ZNF322: variants seen among roughly 807,000 people sequenced by gnomAD.
ZNF322 encodes zinc finger protein 322, also known as HLA complex group 12.
In ZNF322, 1 loss-of-function variant was observed where a neutral mutation model predicts 18.3. That is an observed-to-expected ratio of 0.05 (90% confidence interval 0.02 to 0.26). The LOEUF (loss-of-function observed/expected upper bound fraction) is 0.26. Among genes scored for constraint, ZNF322 ranks in the 10% least tolerant of loss-of-function variants. ZNF322 has a pLI of 1.00. For missense variants in ZNF322, 36 were observed against 403.6 expected, an observed-to-expected ratio of 0.09 and a Z score of 7.80; for synonymous variants, 17 against 130.7, an observed-to-expected ratio of 0.13 and a Z score of 5.93.
chr6:26,641,172 T>C (rs781978341), intron 3 of ZNF322, among the ~76,000 whole-genome samples: 4 of 152,240 alleles, frequency 2.6e-5, no homozygotes. Context: ...GCTGCTACTT[T>C]TACTCAATTT....
intron 2 of ZNF322, among the ~76,000 whole-genome samples, chr6:26,649,392 G>C (rs1403370433): frequency 3.3e-5 from 5 of 151,924 alleles, no homozygotes; most frequent in African/African-American, 9.7e-5. Context: ...ATAAATGATG[G>C]TAAAACATCA....
intron 2 of ZNF322, among the ~76,000 whole-genome samples, chr6:26,652,295 G>A (rs1261823870): frequency 6.6e-6 from 1 of 152,136 alleles, no homozygotes; most frequent in Non-Finnish European, 1.5e-5. Flanking sequence ...AGACACATCT[G>A]ATTAAAGACT....
intron 2 of ZNF322, among the ~76,000 whole-genome samples, chr6:26,649,694 TATATATA>T (rs373692476): frequency 0.013 from 935 of 72,334 alleles, 42 homozygotes; most frequent in Middle Eastern, 0.025. Context: ...TATATATATA[TATATATA>T]TTTTTTTTTT....
In ZNF322 at chr6:26,638,275, G is replaced by A. The variant is rs9368444; in HGVS notation, c.279C>T (p.His93=). The A allele has an allele frequency of 0.19, 310,942 of 1,609,306 alleles. 24,875 individuals carry two copies. The highest frequency in any genetic ancestry group is 0.22 in the South Asian group (19,816 of 90,822). ...TACATTTATAAGGTTTCTCGTAATTGTGGATCCTCTGGTGTGAAGTAAGAT... is the reference window on the plus strand; with the variant it reads ...TACATTTATAAGGTTTCTCGTAATTATGGATCCTCTGGTGTGAAGTAAGAT... ...SSDLTSHQRI[H]NYEKPYKCSK... is the part of the protein sequence containing the mutation. The change falls in exon 4 of 4, where the codon CAC becomes CAT. Residue 93 remains histidine, a synonymous_variant. Coordinates refer to ENST00000415922, the MANE Select transcript of ZNF322 (RefSeq NM_024639.5).
intron 2 of ZNF322, among the ~76,000 whole-genome samples, chr6:26,646,935 A>G (rs1765569194): frequency 6.6e-6 from 1 of 152,220 alleles, no homozygotes. Context: ...AAAATTTTTA[A>G]GTATTCATAA....
intron 3 of ZNF322, among the ~76,000 whole-genome samples, chr6:26,641,494 T>A (rs1765465455): frequency 6.6e-6 from 1 of 152,114 alleles, no homozygotes; most frequent in African/African-American, 2.4e-5. Context: ...TTCAAATATG[T>A]GGGGGAAAGA....
At chr6:26,650,180 A>C (rs1159225080) in intron 2 of ZNF322, among the ~76,000 whole-genome samples, 2 of 152,264 alleles carry the variant, frequency 1.3e-5, no homozygotes, top group Non-Finnish European at 2.9e-5. Flanking sequence ...GACAATTCTC[A>C]CACACACAAA....
At chr6:26,641,518 T>TA (rs1330719251) in intron 3 of ZNF322, among the ~76,000 whole-genome samples, 2 of 152,198 alleles carry the variant, frequency 1.3e-5, no homozygotes, top group Non-Finnish European at 2.9e-5. Context: ...ATCAGACTGT[T>TA]ACTGTGTCTA....
intron 3 of ZNF322, among the ~76,000 whole-genome samples, chr6:26,639,998 A>G (rs1412071068): frequency 1.3e-5 from 2 of 152,084 alleles, no homozygotes; most frequent in African/African-American, 4.8e-5. Flanking sequence ...TTTGTTCACA[A>G]GGACATCACT....
rs1765411549 is a variant in ZNF322 at position 26,638,696 on chromosome 6, T to G, written c.-143A>C. 2.2e-6 allele frequency: 2 copies of G among 920,344 alleles called. No homozygotes were observed. The highest frequency in any genetic ancestry group is 3.3e-6 in the Non-Finnish European group (2 of 602,244). The allele number at this position is 920,344 out of a possible 1,614,324, so 57.0% of individuals were successfully genotyped here. ...GAGCCTCTACAAGTTTCCAGCATCATATATGTTAATTCCTTACTTGGTATT... is the reference window on the plus strand; with the variant it reads ...GAGCCTCTACAAGTTTCCAGCATCAGATATGTTAATTCCTTACTTGGTATT... On this transcript the variant is annotated 5_prime_UTR_variant, in exon 4 of 4. The change abolishes an upstream ATG in the 5' untranslated region. Transcript: ENST00000415922.
intron 3 of ZNF322, among the ~76,000 whole-genome samples, chr6:26,642,062 C>T (rs957997958): frequency 2.0e-5 from 3 of 152,110 alleles, no homozygotes; most frequent in Non-Finnish European, 4.4e-5. Flanking sequence ...AGGAGAAAAC[C>T]GCCTTATGGC....
intron 3 of ZNF322, among the ~76,000 whole-genome samples, chr6:26,642,216 CAT>C (rs1420692027): frequency 6.6e-6 from 1 of 152,170 alleles, no homozygotes; most frequent in African/African-American, 2.4e-5. Context: ...CCTTTGCTCA[CAT>C]GTTTTCCTGC....
intron 3 of ZNF322, among the ~76,000 whole-genome samples, chr6:26,642,745 T>C (rs1410408703): frequency 6.6e-6 from 1 of 152,206 alleles, no homozygotes; most frequent in Non-Finnish European, 1.5e-5. Flanking sequence ...GTTTTTGCCT[T>C]ATAGTCAAAG....
intron 2 of ZNF322, among the ~76,000 whole-genome samples, chr6:26,652,370 C>T (rs1350639033): frequency 7.2e-5 from 11 of 152,010 alleles, no homozygotes; most frequent in Non-Finnish European, 1.5e-5. Context: ...TAAAACTCAA[C>T]AAGAAAACAA....
Position 26,649,632 on chromosome 6 carries a change from T to C in ZNF322, c.-245-5904A>G, listed in dbSNP as rs887378851. On this transcript the variant is annotated intron_variant, in intron 2 of 3. Coordinates refer to ENST00000415922, the MANE Select transcript of ZNF322 (RefSeq NM_024639.5). ...TTTAAAGTTTTCTTTTATATATACA[T>C]ACATATGTGTGTGTGTGTGTGTGTG... is the stretch of plus-strand genomic sequence containing the variant. Among the ~76,000 whole-genome samples, 8 of 133,438 alleles carry C rather than the reference T, an allele frequency of 6.0e-5. 1 individual carries two copies. The East Asian group carries it at 1.7e-3, about 28-fold the overall frequency. The allele number at this position is 133,438 out of a possible 152,430, so 87.5% of individuals were successfully genotyped here. A position where few individuals can be genotyped will look rare whatever the true frequency, so the allele number is the denominator to read the frequency against.
At chr6:26,638,819 T>C in intron 3 of ZNF322, 91 bp from the exon 4 acceptor site, 1 of 421,878 alleles carries the variant, frequency 2.4e-6, no homozygotes, top group Non-Finnish European at 4.1e-6. Flanking sequence ...ACAAACTCTG[T>C]ATCAGAGTCC....
At chr6:26,649,693 ATATATATATTT>A (rs1765630217) in intron 2 of ZNF322, among the ~76,000 whole-genome samples, 3 of 63,308 alleles carry the variant, frequency 4.7e-5, no homozygotes, top group African/African-American at 1.4e-4. Context: ...ATATATATAT[ATATATATATTT>A]TTTTTTTTTT....
chr6:26,653,093 GAC>G (rs1257182033), intron 2 of ZNF322, among the ~76,000 whole-genome samples: 4 of 151,984 alleles, frequency 2.6e-5, no homozygotes, highest in African/African-American at 9.7e-5. Flanking sequence ...TAAGGAAACA[GAC>G]ACACTCATAT....
At chr6:26,642,361 C>T (rs1554148396) in intron 3 of ZNF322, among the ~76,000 whole-genome samples, 1 of 152,146 alleles carries the variant, frequency 6.6e-6, no homozygotes, top group Non-Finnish European at 1.5e-5. Flanking sequence ...GAGCGCCGGT[C>T]CCCTGGGCCC....
Sources: allele counts gnomAD v4.1 joint callset (sites outside exome capture counted in the v4.1 genomes callset), GRCh38; gene constraint gnomAD v4.1.1; transcripts MANE v1.5; gene names NCBI Gene and HGNC (gene_info 2026-07-23, HGNC 2026-07-21).